COMP: variants seen among roughly 807,000 people sequenced by gnomAD.
The protein encoded by COMP is cartilage oligomeric matrix protein, also known as cartilage oligomeric matrix protein (pseudoachondroplasia, epiphyseal dysplasia 1, multiple).
COMP carries 79 observed loss-of-function variants against 95.8 expected under a neutral mutation model. That is an observed-to-expected ratio of 0.82 (90% CI 0.69 to 0.99). COMP has a LOEUF of 0.99. COMP is among the 50% of genes least tolerant of loss of function. The pLI is 0.00. For missense variants in COMP, 906 were observed against 1,076.1 expected (o/e 0.84, Z 2.21); for synonymous variants, 438 against 433.9 (o/e 1.01, Z -0.12).
At chr19:18,783,226 C>T (rs1284528753) in intron 17 of COMP, 33 bp from the exon 18 acceptor site, 6 of 1,602,188 alleles carry the variant, frequency 3.7e-6, no homozygotes, top group Non-Finnish European at 4.2e-6. Flanking sequence ...CCTGGGGGAC[C>T]TGGGCCAGAC....
In COMP at chr19:18,786,011, C is replaced by A. The variant is rs1248580670; in HGVS notation, c.1443G>T (p.Arg481=). ...GGTTAGGCACCAGGCGGCAGTTGTC[C>A]CGACTGTCAGGGACTCCGTCATTGT... ...DDDNDGVPDS[R]DNCRLVPNPG... is the part of the protein sequence containing the mutation. Residue 481 remains arginine (R), a synonymous_variant, in exon 13 of 19, where the codon CGG becomes CGT. Coordinates refer to ENST00000222271, the MANE Select transcript of COMP (RefSeq NM_000095.3). The A allele has an allele frequency of 1.2e-6, 2 of 1,613,552 alleles. No homozygotes were observed. Among genetic ancestry groups the A allele is most frequent in the East Asian group, 4.5e-5 (2 of 44,848 alleles).
chr19:18,790,705 T>C (rs182075217), intron 2 of COMP, 92 bp from the exon 3 acceptor site: 5 of 1,611,922 alleles, frequency 3.1e-6, no homozygotes, highest in African/African-American at 1.3e-5. Context: ...TTCTACAGCC[T>C]CTTTTCGCCA....
At position 18,784,450 on chromosome 19, in the gene COMP, G is replaced by A; in HGVS notation, c.1915-87C>T. 1 of 1,523,556 alleles carries A rather than the reference G, an allele frequency of 6.6e-7. No individual in the cohort carries two copies. The highest frequency in any genetic ancestry group is 2.3e-5 in the East Asian group (1 of 43,504). The allele number at this position is 1,523,556 out of a possible 1,614,324, so 94.4% of individuals were successfully genotyped here. A position where few individuals can be genotyped will look rare whatever the true frequency, so the allele number is the denominator to read the frequency against. On this transcript the variant is annotated intron_variant, in intron 16 of 18. Coordinates refer to ENST00000222271, the MANE Select transcript of COMP (RefSeq NM_000095.3). The surrounding 1 kb of genome is among the most constrained non-coding windows in gnomAD (Gnocchi z 4.9). The stretch of plus-strand genomic sequence containing the variant: ...CTTCCTGGAGAGACAGTTGGGAGCA[G>A]CAGGTGGTGGGCGGCCAGGGGGATC...
Position 18,791,089 on chromosome 19 carries a change from G to A in COMP, c.79+102C>T, listed in dbSNP as rs978469885. The A allele has an allele frequency of 1.1e-5, 16 of 1,507,518 alleles. No individual in the cohort carries two copies. The highest frequency in any genetic ancestry group is 7.9e-5 in the Admixed American group (4 of 50,708). The allele number at this position is 1,507,518 out of a possible 1,614,324, so 93.4% of individuals were successfully genotyped here. On this transcript the variant is annotated intron_variant, in intron 1 of 18. Coordinates refer to ENST00000222271, the MANE Select transcript of COMP (RefSeq NM_000095.3). ...TTTCTGCGCCCGGCACGTCCCCTAC[G>A]AACAGTCCGTGAGCCCCAAACAGCC...
At position 18,789,561 on chromosome 19, in the gene COMP, G is replaced by T. The variant is rs967909841; in HGVS notation, c.391-264C>A. Among the ~76,000 whole-genome samples the T allele has an allele frequency of 6.6e-6, 1 of 151,986 alleles. No homozygotes were observed. Among genetic ancestry groups the T allele is most frequent in the African/African-American group, 2.4e-5 (1 of 41,348 alleles). ...GCATCCCCAGCAGAGGGGGGCAGGG[G>T]TCGTCGGGGCGTGCGTGCCCGGCGG... On this transcript the variant is annotated intron_variant, in intron 4 of 18. Transcript: ENST00000222271. This position sits in a 1 kb window ranked among gnomAD's most constrained non-coding sequence, Gnocchi z 6.1.
Position 18,789,902 on chromosome 19 carries a change from A to C in COMP, c.390+40T>G. The C allele has an allele frequency of 6.3e-7, 1 of 1,591,092 alleles. No individual in the cohort carries two copies. The highest frequency in any genetic ancestry group is 2.2e-5 in the East Asian group (1 of 44,490). Reference sequence around the variant, plus strand: ...GCGGCGAGAGATTGGGGGGCGGTAGAGGGAGTCGTCAGGGCGGTGGAGTGT... The same window carrying C: ...GCGGCGAGAGATTGGGGGGCGGTAGCGGGAGTCGTCAGGGCGGTGGAGTGT... On this transcript the variant is annotated intron_variant, in intron 4 of 18. Transcript: ENST00000222271. This position sits in a 1 kb window ranked among gnomAD's most constrained non-coding sequence, Gnocchi z 6.1.
intron 3 of COMP, 72 bp from the exon 4 acceptor site, chr19:18,790,186 A>C: frequency 1.7e-6 from 2 of 1,199,482 alleles, no homozygotes; most frequent in Non-Finnish European, 2.3e-6. Context: ...TATCATGGCC[A>C]CGCCCCGGGG....
rs10577504 is a variant in COMP at position 18,786,763 on chromosome 19, C to CTT, written c.1136-115_1136-114dup. On this transcript the variant is annotated intron_variant, in intron 10 of 18. Transcript: ENST00000222271. ...GAACAGAGTCCCAACTTCATGGAAG[C>CTT]TTTTTTTTTTTTTTTTTTTTTTTTT... 3.6e-3 allele frequency: 1,009 copies of CTT among 283,088 alleles called. 37 individuals are homozygous for CTT. The highest frequency in any genetic ancestry group is 0.014 in the African/African-American group (253 of 17,764). The allele number at this position is 283,088 out of a possible 1,614,324, so 17.5% of individuals were successfully genotyped here.
In COMP at chr19:18,783,188, C is replaced by T. The variant is rs569954000; in HGVS notation, c.2093G>A (p.Arg698Gln). The change falls in exon 18 of 19, where the codon CGA becomes CAA. Residue 698 changes from arginine to glutamine, a missense_variant. Transcript: ENST00000222271. ...HRPQVGYIRV[R>Q]FYEGPELVAD... Reference sequence around the variant, plus strand: ...CACCAGCTCAGGGCCCTCATAGAATCGCACCCTGAGGGTCAGACATGGTGA... The same window carrying T: ...CACCAGCTCAGGGCCCTCATAGAATTGCACCCTGAGGGTCAGACATGGTGA... 7 of 1,607,828 alleles carry T rather than the reference C, an allele frequency of 4.4e-6. No individual in the cohort carries two copies. Among genetic ancestry groups the T allele is most frequent in the South Asian group, 2.2e-5 (2 of 91,084 alleles).
chr19:18,786,960 A>G (rs1185484112), intron 10 of COMP: 1 of 354,014 alleles, frequency 2.8e-6, no homozygotes, highest in African/African-American at 2.1e-5. Context: ...TTTAGTACAG[A>G]CGGAGTTTCA....
Position 18,783,151 on chromosome 19 carries a change from G to A in COMP, c.2130C>T (p.Asn710=), listed in dbSNP as rs556452100. 7.5e-6 allele frequency: 12 copies of A among 1,610,168 alleles called. No individual in the cohort carries two copies. Among genetic ancestry groups the A allele is most frequent in the Middle Eastern group, 1.6e-4 (1 of 6,062 alleles). The part of the protein sequence containing the change: ...YEGPELVADS[N]VVLDTTMRGG... ...CCCGCATGGTTGTGTCCAAGACCAC[G>A]TTGCTGTCGGCCACCAGCTCAGGGC... The change falls in exon 18 of 19, where the codon AAC becomes AAT. Residue 710 remains asparagine (N), a synonymous_variant. Transcript: ENST00000222271.
Position 18,784,089 on chromosome 19 carries a change from A to G in COMP, c.2087+102T>C. ...CTGCCCTGTATCTTTCCTATCGTACAGATGAGGGGACCAGGGTCACACAGC... is the reference window on the plus strand; with the variant it reads ...CTGCCCTGTATCTTTCCTATCGTACGGATGAGGGGACCAGGGTCACACAGC... On this transcript the variant is annotated intron_variant, in intron 17 of 18. Coordinates refer to ENST00000222271, the MANE Select transcript of COMP (RefSeq NM_000095.3). This position sits in a 1 kb window ranked among gnomAD's most constrained non-coding sequence, Gnocchi z 4.9. The G allele has an allele frequency of 7.6e-7, 1 of 1,316,336 alleles. No individual in the cohort carries two copies. Among genetic ancestry groups the G allele is most frequent in the Non-Finnish European group, 1.1e-6 (1 of 914,054 alleles). The allele number at this position is 1,316,336 out of a possible 1,614,324, so 81.5% of individuals were successfully genotyped here. A position where few individuals can be genotyped will look rare whatever the true frequency, so the allele number is the denominator to read the frequency against.
Position 18,782,977 on chromosome 19 carries a change from A to T in COMP, c.2228-16T>A. 1 of 1,612,560 alleles carries T rather than the reference A, an allele frequency of 6.2e-7. No individual in the cohort carries two copies. The highest frequency in any genetic ancestry group is 8.5e-7 in the Non-Finnish European group (1 of 1,179,992). ...GGGATGGTGTCTGCAGGGAGAGGGC[A>T]GGCGGGTGAGGGCTGAGAAGGCCAG... is the stretch of plus-strand genomic sequence containing the variant. On this transcript the variant is annotated splice_polypyrimidine_tract_variant and intron_variant, in intron 18 of 18. Transcript: ENST00000222271.
In COMP at chr19:18,783,088, G is replaced by A; in HGVS notation, c.2193C>T (p.Asn731=). 3 of 1,612,150 alleles carry A rather than the reference G, an allele frequency of 1.9e-6. No individual in the cohort carries two copies. Among genetic ancestry groups the A allele is most frequent in the Non-Finnish European group, 2.5e-6 (3 of 1,180,000 alleles). ...RLGVFCFSQE[N]IIWANLRYRC... is the part of the protein sequence containing the mutation. ...GGTAACGCAGGTTGGCCCAGATGAT[G>A]TTCTCCTGGGAGAAGCAGAAGACCC... The change falls in exon 18 of 19, where the codon AAC becomes AAT. Residue 731 remains asparagine (N), a synonymous_variant. Transcript: ENST00000222271.
Position 18,784,343 on chromosome 19 carries a change from G to A in COMP, c.1935C>T (p.Gly645=), listed in dbSNP as rs2055149747. 1.9e-6 allele frequency: 3 copies of A among 1,613,866 alleles called. No individual in the cohort carries two copies. Among genetic ancestry groups the A allele is most frequent in the Non-Finnish European group, 8.5e-7 (1 of 1,180,044 alleles). ...IQLKAVKSST[G]PGEQLRNALW... ...GAGCGTTCCGCAGCTGTTCCCCGGG[G>A]CCTGTGGAAGACTTCACAGCCTGCC... The change falls in exon 17 of 19, where the codon GGC becomes GGT. Residue 645 remains glycine, a synonymous_variant. Coordinates refer to ENST00000222271, the MANE Select transcript of COMP (RefSeq NM_000095.3). This position sits in a 1 kb window ranked among gnomAD's most constrained non-coding sequence, Gnocchi z 4.9.
chr19:18,785,102 G>C lies in COMP; in HGVS notation c.1718-10C>G, dbSNP rs770529459. The C allele has an allele frequency of 6.2e-7, 1 of 1,613,596 alleles. No individual in the cohort carries two copies. The highest frequency in any genetic ancestry group is 8.5e-7 in the Non-Finnish European group (1 of 1,179,802). ...TTGAAGGCAGTGTAACCTAGGGATG[G>C]AAAGAGAGCAGTGGCCTTTCCGAAC... On this transcript the variant is annotated splice_polypyrimidine_tract_variant and intron_variant, in intron 15 of 18. Coordinates refer to ENST00000222271, the MANE Select transcript of COMP (RefSeq NM_000095.3).
In COMP at chr19:18,782,926, G is replaced by A. The variant is rs140511415; in HGVS notation, c.2263C>T (p.Arg755Trp). 6.9e-5 allele frequency: 112 copies of A among 1,612,048 alleles called. No individual in the cohort carries two copies. The African/African-American group carries it at 1.1e-3, about 16-fold the overall frequency. The change falls in exon 19 of 19, where the codon CGG becomes TGG. Residue 755 changes from arginine to tryptophan, a missense_variant. By Grantham distance (101) the Arg-to-Trp change is moderately radical. Coordinates refer to ENST00000222271, the MANE Select transcript of COMP (RefSeq NM_000095.3). ...CCTCACCCTGGTCCCTAGGCTTGCC[G>A]CAGCTGATGGGTCTCATAGTCCTCT... ...IPEDYETHQL[R>W]QA
rs376437040 is a variant in COMP at position 18,784,300 on chromosome 19, T to C, written c.1978A>G (p.Thr660Ala). 5 of 1,614,018 alleles carry C rather than the reference T, an allele frequency of 3.1e-6. No individual in the cohort carries two copies. The highest frequency in any genetic ancestry group is 2.2e-5 in the East Asian group (1 of 44,890). ...LRNALWHTGD[T>A]ESQVRLLWKD... ...CACAGCAGCCGCACCTGGGACTCTG[T>C]GTCTCCTGTATGCCACAGAGCGTTC... The change falls in exon 17 of 19, where the codon ACA becomes GCA. Residue 660 changes from threonine (T) to alanine (A), a missense_variant. Coordinates refer to ENST00000222271, the MANE Select transcript of COMP (RefSeq NM_000095.3). This position sits in a 1 kb window ranked among gnomAD's most constrained non-coding sequence, Gnocchi z 4.9.
Position 18,789,926 on chromosome 19 carries a change from G to A in COMP, c.390+16C>T. On this transcript the variant is annotated intron_variant, in intron 4 of 18. Coordinates refer to ENST00000222271, the MANE Select transcript of COMP (RefSeq NM_000095.3). The surrounding 1 kb of genome is among the most constrained non-coding windows in gnomAD (Gnocchi z 6.1). ...GAGGGAGTCGTCAGGGCGGTGGAGT[G>A]TCGGGGCTAGCGCACCTCGTTGACG... The A allele has an allele frequency of 6.3e-7, 1 of 1,593,118 alleles. No homozygotes were observed. The highest frequency in any genetic ancestry group is 8.5e-7 in the Non-Finnish European group (1 of 1,178,086).
Sources: gnomAD v4.1 joint callset for allele counts (sites outside exome capture counted in the v4.1 genomes callset) on GRCh38, gnomAD v4.1.1 for gene constraint, Gnocchi (gnomAD v3.1) non-coding constraint, MANE v1.5 for transcripts, NCBI Gene and HGNC (gene_info 2026-07-23, HGNC 2026-07-21) for gene names.